The following SNX29 variants were observed in gnomAD, a reference collection of about 807,000 sequenced individuals.
SNX29 encodes sorting nexin-29.
Under a neutral mutation model 102.1 loss-of-function variants are expected in SNX29, and 78 were observed. The observed-to-expected ratio is 0.76, with a 90% CI of 0.64 to 0.92. SNX29 has a LOEUF of 0.92. Among genes scored for constraint, SNX29 ranks in the 40% least tolerant of loss-of-function variants. The probability of loss-of-function intolerance (pLI) is 0.00; values close to 1 mark genes in which losing one functional copy is unlikely to be tolerated. For missense variants in SNX29, 1,280 were observed against 1,061.7 expected, an observed-to-expected ratio of 1.21 and a Z score of -2.86; for synonymous variants, 580 against 414.5, an observed-to-expected ratio of 1.40 and a Z score of -4.85.
chr16:12,568,706 A>C lies in SNX29; in HGVS notation c.*77A>C, dbSNP rs890748918. ...CCCCAGCCACTGCCGCTGGCCCCTC[A>C]CCTCAGCGTGACAACCACGTCCACC... On this transcript the variant is annotated 3_prime_UTR_variant, in exon 21 of 21. Coordinates refer to ENST00000566228, the MANE Select transcript of SNX29 (RefSeq NM_032167.5). 1.9e-6 allele frequency: 3 copies of C among 1,550,570 alleles called. No homozygotes were observed. The highest frequency in any genetic ancestry group is 2.7e-5 in the African/African-American group (2 of 73,142).
intron 17 of SNX29, among the ~76,000 whole-genome samples, chr16:12,403,192 TTGTGTGTGTATGTGTGTGTGTGTGTG>T (rs1210356545): frequency 7.9e-4 from 102 of 129,720 alleles, no homozygotes; most frequent in African/African-American, 2.5e-3. Context: ...GGAGTACAGA[TTGTGTGTGTATGTGTGTGTGTGTGTG>T]TGTGTGTGTG....
chr16:12,467,525 A>G (rs2087110596), intron 18 of SNX29, among the ~76,000 whole-genome samples: 1 of 152,132 alleles, frequency 6.6e-6, no homozygotes, highest in Non-Finnish European at 1.5e-5. Context: ...ACCTGTCAGT[A>G]AGACACTCCC....
At chr16:12,119,592 T>G (rs1047161464) in intron 11 of SNX29, among the ~76,000 whole-genome samples, 47 of 152,232 alleles carry the variant, frequency 3.1e-4, no homozygotes, top group African/African-American at 1.1e-3. Flanking sequence ...ATCACACTTT[T>G]GATTTTCCAA....
At chr16:12,024,437 C>A (rs1298350673) in intron 3 of SNX29, among the ~76,000 whole-genome samples, 1 of 152,162 alleles carries the variant, frequency 6.6e-6, no homozygotes, top group African/African-American at 2.4e-5. Flanking sequence ...TGAGCCACCG[C>A]ACCCAGTCGA....
intron 3 of SNX29, among the ~76,000 whole-genome samples, chr16:12,009,018 A>G (rs1396448961): frequency 6.6e-6 from 1 of 152,188 alleles, no homozygotes; most frequent in African/African-American, 2.4e-5. Context: ...GTGGGATTAC[A>G]GGCATGAGCC....
At position 12,547,573 on chromosome 16, in the gene SNX29, C is replaced by CT. The variant is rs67604629; in HGVS notation, c.2319-20932dup. Among the ~76,000 whole-genome samples the CT allele has an allele frequency of 4.6e-3, 706 of 152,122 alleles. 2 individuals are homozygous for CT. Among genetic ancestry groups the CT allele is most frequent in the African/African-American group, 0.016 (678 of 41,440 alleles). On this transcript the variant is annotated intron_variant, in intron 20 of 20. Transcript: ENST00000566228. ...TGAGCTGTGGTTAACATCCCCCTCC[C>CT]TCACGAGGATTAAATACACCCCCAC...
intron 11 of SNX29, among the ~76,000 whole-genome samples, chr16:12,092,285 A>AGGAGG (rs2052587200): frequency 6.6e-6 from 1 of 151,458 alleles, no homozygotes; most frequent in African/African-American, 2.4e-5. Flanking sequence ...AGACATTTAA[A>AGGAGG]GAAGGAAGGA....
At chr16:12,353,890 C>G (rs2082060481) in intron 15 of SNX29, among the ~76,000 whole-genome samples, 1 of 152,186 alleles carries the variant, frequency 6.6e-6, no homozygotes. Flanking sequence ...GATCATTGTG[C>G]CTGCTTGGAG....
At position 12,051,990 on chromosome 16, in the gene SNX29, C is replaced by T. The variant is rs201929276; in HGVS notation, c.892C>T (p.Arg298Cys). 145 of 1,613,788 alleles carry T rather than the reference C, an allele frequency of 9.0e-5. No homozygotes were observed. The highest frequency in any genetic ancestry group is 1.1e-4 in the Non-Finnish European group (133 of 1,179,856). Residue 298 changes from arginine (R) to cysteine (C), a missense_variant, in exon 8 of 21, where the codon CGC (arginine) becomes TGC (cysteine). Coordinates refer to ENST00000566228, the MANE Select transcript of SNX29 (RefSeq NM_032167.5). ...GGAGAGCTCAGAGGACAACTCCGAC[C>T]GCTCCTCTGTCAATATCATGTCCGC... Reference protein sequence around the residue: ...AGESSEDNSDRSSVNIMSAFE... With the variant: ...AGESSEDNSDCSSVNIMSAFE...
In SNX29 at chr16:12,417,491, C is replaced by T. The variant is rs377185359; in HGVS notation, c.2037+13962C>T. 7.9e-5 allele frequency among the ~76,000 whole-genome samples: 12 copies of T among 152,262 alleles called. No homozygotes were observed. In the Middle Eastern group the frequency reaches 0.01, roughly 129 times the overall value. On this transcript the variant is annotated intron_variant, in intron 18 of 20. Coordinates refer to ENST00000566228, the MANE Select transcript of SNX29 (RefSeq NM_032167.5). The stretch of plus-strand genomic sequence containing the variant: ...CAGAGGGGGTGGGTGGTTCTCCTTT[C>T]CTTCCTTCTCTTTGCTCCCCGCTTT...
At chr16:12,253,697 G>C (rs1200789147) in intron 14 of SNX29, among the ~76,000 whole-genome samples, 6 of 152,164 alleles carry the variant, frequency 3.9e-5, no homozygotes, top group African/African-American at 1.4e-4. Flanking sequence ...CACATCCCCT[G>C]GGGCCTGGTG....
At chr16:12,513,349 C>CTGCTCTGT (rs1311456897) in intron 19 of SNX29, among the ~76,000 whole-genome samples, 1 of 133,820 alleles carries the variant, frequency 7.5e-6, no homozygotes, top group Non-Finnish European at 1.6e-5. Flanking sequence ...CCCTGCCCTG[C>CTGCTCTGT]TCTCTTCTCC....
chr16:12,433,433 C>A (rs955282344), intron 18 of SNX29, among the ~76,000 whole-genome samples: 1 of 152,026 alleles, frequency 6.6e-6, no homozygotes, highest in Non-Finnish European at 1.5e-5. Flanking sequence ...GAGTTTGAGA[C>A]CAGCCTGGCC....
At chr16:12,557,449 C>T (rs528454059) in intron 20 of SNX29, 1 of 152,266 alleles carries the variant, frequency 6.6e-6, no homozygotes, top group African/African-American at 2.4e-5. Context: ...GCAACCTCCT[C>T]CTCCTGGGTT....
At position 12,387,188 on chromosome 16, in the gene SNX29, C is replaced by G. The variant is rs139780660; in HGVS notation, c.1900-11258C>G. ...ATTCCCATTACTGATCCAAAGAAAC[C>G]AAGTTAGCGGTTCCATTCCTGCTGC... On this transcript the variant is annotated intron_variant, in intron 16 of 20. Transcript: ENST00000566228. Among the ~76,000 whole-genome samples, 409 of 152,116 alleles carry G rather than the reference C, an allele frequency of 2.7e-3. 2 individuals are homozygous for G. The highest frequency in any genetic ancestry group is 4.4e-3 in the African/African-American group (182 of 41,514).
intron 14 of SNX29, among the ~76,000 whole-genome samples, chr16:12,218,075 G>T (rs1301440283): frequency 6.6e-6 from 1 of 150,640 alleles, no homozygotes; most frequent in African/African-American, 2.5e-5. Flanking sequence ...ATTATGGAAG[G>T]CTCTATTATT....
chr16:12,241,925 C>A (rs567111165), intron 14 of SNX29, among the ~76,000 whole-genome samples: 43 of 152,150 alleles, frequency 2.8e-4, no homozygotes, highest in Non-Finnish European at 4.9e-4. Context: ...GCTCCTGCCT[C>A]TGTGCCAGGA....
intron 1 of SNX29, among the ~76,000 whole-genome samples, chr16:11,989,433 G>T (rs145282129): frequency 6.6e-6 from 1 of 152,230 alleles, no homozygotes; most frequent in Non-Finnish European, 1.5e-5. Context: ...TTTGTCCTGG[G>T]CCAGCTGTGC....
chr16:12,059,929 C>G (rs1176033639), intron 8 of SNX29, among the ~76,000 whole-genome samples: 1 of 152,192 alleles, frequency 6.6e-6, no homozygotes, highest in Non-Finnish European at 1.5e-5. Context: ...GGACAAGCCA[C>G]ACACTTTTTC....
Sources: gnomAD v4.1 joint callset for allele counts (sites outside exome capture counted in the v4.1 genomes callset) on GRCh38, gnomAD v4.1.1 for gene constraint, MANE v1.5 for transcripts, NCBI Gene and HGNC (gene_info 2026-07-23, HGNC 2026-07-21) for gene names.